Variants in MAML3 observed in about 807,000 individuals in gnomAD.
MAML3 encodes mastermind like transcriptional coactivator 3, also known as mastermind-like protein 3.
A neutral mutation model predicts 101.9 loss-of-function variants in MAML3; 27 were observed. That is an observed-to-expected ratio of 0.27 (90% CI 0.20 to 0.37). The LOEUF (loss-of-function observed/expected upper bound fraction) is 0.37, where lower values mean the gene tolerates loss of function less well. MAML3 is among the 10% of genes least tolerant of loss of function. The pLI is 1.00. For synonymous variants in MAML3, 501 were observed against 555.9 expected (o/e 0.90, Z 1.39); for missense variants, 1,316 against 1,444.9 (o/e 0.91, Z 1.45).
intron 1 of MAML3, among the ~76,000 whole-genome samples, chr4:139,957,157 A>G (rs1165888299): frequency 6.6e-6 from 1 of 152,186 alleles, no homozygotes; most frequent in Non-Finnish European, 1.5e-5. Context: ...GAAACAGAAA[A>G]CGGAAGGAAA....
chr4:139,991,091 C>G (rs1734663659), intron 1 of MAML3, among the ~76,000 whole-genome samples: 1 of 152,142 alleles, frequency 6.6e-6, no homozygotes, highest in African/African-American at 2.4e-5. Context: ...CCCGCATCTC[C>G]AAGTCAATCC....
intron 2 of MAML3, among the ~76,000 whole-genome samples, chr4:139,852,115 C>T (rs1271648919): frequency 6.6e-6 from 1 of 152,170 alleles, no homozygotes; most frequent in African/African-American, 2.4e-5. Flanking sequence ...TTTGGAAGTA[C>T]AAACTTTGGA....
At chr4:140,018,760 T>G (rs1726687596) in intron 1 of MAML3, among the ~76,000 whole-genome samples, 1 of 152,232 alleles carries the variant, frequency 6.6e-6, no homozygotes, top group African/African-American at 2.4e-5. Context: ...AGTTTAATGT[T>G]TTGTATATAA....
chr4:140,137,644 T>G (rs903688854), intron 1 of MAML3, among the ~76,000 whole-genome samples: 3 of 152,262 alleles, frequency 2.0e-5, no homozygotes, highest in African/African-American at 7.2e-5. Flanking sequence ...ATGCACTATC[T>G]TTGTTAATAG....
intron 1 of MAML3, among the ~76,000 whole-genome samples, chr4:139,964,020 T>A (rs1734076522): frequency 6.6e-6 from 1 of 152,232 alleles, no homozygotes; most frequent in South Asian, 2.1e-4. Context: ...AACATATTTT[T>A]ACAGGCATGA....
At chr4:139,915,874 C>T in intron 1 of MAML3, among the ~76,000 whole-genome samples, 1 of 152,232 alleles carries the variant, frequency 6.6e-6, no homozygotes, top group South Asian at 2.1e-4. Flanking sequence ...GCCAGAGTAA[C>T]CCTGCTAACA....
chr4:139,963,997 T>C (rs1477991969), intron 1 of MAML3, among the ~76,000 whole-genome samples: 1 of 152,194 alleles, frequency 6.6e-6, no homozygotes, highest in Non-Finnish European at 1.5e-5. Context: ...TTAATGACTT[T>C]GAATAACTGA....
At chr4:139,844,410 T>G (rs555825717) in intron 2 of MAML3, among the ~76,000 whole-genome samples, 1 of 152,354 alleles carries the variant, frequency 6.6e-6, no homozygotes, top group South Asian at 2.1e-4. Flanking sequence ...TGTTTAGATG[T>G]TGGTGGCATT....
chr4:139,980,519 G>T (rs546581784), intron 1 of MAML3, among the ~76,000 whole-genome samples: 1 of 152,140 alleles, frequency 6.6e-6, no homozygotes, highest in African/African-American at 2.4e-5. Context: ...AATGCCCTGG[G>T]CTACCCTGAT....
At chr4:140,076,712 C>T (rs1320610319) in intron 1 of MAML3, among the ~76,000 whole-genome samples, 2 of 152,224 alleles carry the variant, frequency 1.3e-5, no homozygotes, top group Non-Finnish European at 2.9e-5. Context: ...TGAAACCTGT[C>T]TGCATCTTTT....
chr4:139,840,644 T>A (rs1731344880), intron 2 of MAML3, among the ~76,000 whole-genome samples: 1 of 152,212 alleles, frequency 6.6e-6, no homozygotes, highest in Admixed American at 6.5e-5. Flanking sequence ...GAAAATGCAC[T>A]AATTATCCTT....
intron 1 of MAML3, among the ~76,000 whole-genome samples, chr4:139,948,684 A>G (rs1021637530): frequency 6.6e-6 from 1 of 152,240 alleles, no homozygotes; most frequent in African/African-American, 2.4e-5. Flanking sequence ...GTCTTCAATC[A>G]TCTCAACCCT....
At chr4:139,810,603 A>G (rs555524617) in intron 2 of MAML3, among the ~76,000 whole-genome samples, 22 of 152,318 alleles carry the variant, frequency 1.4e-4, no homozygotes, top group African/African-American at 5.3e-4. Context: ...GAAGGATCCC[A>G]GAGAAGGAAA....
At chr4:140,081,236 G>A (rs1727857246) in intron 1 of MAML3, among the ~76,000 whole-genome samples, 1 of 151,598 alleles carries the variant, frequency 6.6e-6, no homozygotes, top group African/African-American at 2.4e-5. Context: ...TCTTTGTCAG[G>A]AGATTAAACA....
intron 1 of MAML3, among the ~76,000 whole-genome samples, chr4:140,149,828 A>G (rs953755454): frequency 1.3e-5 from 2 of 151,844 alleles, no homozygotes; most frequent in Non-Finnish European, 2.9e-5. Context: ...TACAACCTCT[A>G]TTTTTGAGAT....
At chr4:140,005,842 A>G (rs192946918) in intron 1 of MAML3, among the ~76,000 whole-genome samples, 19 of 152,366 alleles carry the variant, frequency 1.2e-4, no homozygotes, top group Admixed American at 9.8e-4. Context: ...TTGTTTTAAT[A>G]CACTGCAAGA....
At chr4:139,744,333 C>T (rs1158819655) in intron 2 of MAML3, among the ~76,000 whole-genome samples, 1 of 152,132 alleles carries the variant, frequency 6.6e-6, no homozygotes, top group Admixed American at 6.5e-5. Context: ...GTTGATTTTT[C>T]TTAAAGAACA....
At chr4:140,033,988 G>A (rs1413806876) in intron 1 of MAML3, among the ~76,000 whole-genome samples, 1 of 152,068 alleles carries the variant, frequency 6.6e-6, no homozygotes, top group Non-Finnish European at 1.5e-5. Flanking sequence ...CCCTGCAATG[G>A]GTCTCAGAGT....
At chr4:139,742,102 A>G (rs1442679646) in intron 2 of MAML3, among the ~76,000 whole-genome samples, 2 of 151,922 alleles carry the variant, frequency 1.3e-5, no homozygotes, top group Admixed American at 1.3e-4. Flanking sequence ...ATCTGGAAAC[A>G]ATGAGAAATC....
Sources: gnomAD v4.1 joint callset for allele counts (sites outside exome capture counted in the v4.1 genomes callset) on GRCh38, gnomAD v4.1.1 for gene constraint, MANE v1.5 for transcripts, NCBI Gene and HGNC (gene_info 2026-07-23, HGNC 2026-07-21) for gene names.